The following PCDHA13 variants were observed in gnomAD, a reference collection of about 807,000 sequenced individuals.
The protein encoded by PCDHA13 is protocadherin alpha-13.
A neutral mutation model predicts 64.8 loss-of-function variants in PCDHA13; 54 were observed. The ratio of observed to expected loss-of-function variants is 0.83; its 90% CI spans 0.67 to 1.04. PCDHA13 has a LOEUF of 1.04. PCDHA13 is among the 50% of genes least tolerant of loss of function. The pLI is 0.00. For missense variants in PCDHA13, 1,248 were observed against 1,254.3 expected (o/e 0.99, Z 0.08); for synonymous variants, 587 against 564.4 (o/e 1.04, Z -0.57).
chr5:140,899,981 G>T (rs929559514), intron 1 of PCDHA13, among the ~76,000 whole-genome samples: 3 of 151,734 alleles, frequency 2.0e-5, no homozygotes, highest in African/African-American at 7.3e-5. Flanking sequence ...CTACTTTTTT[G>T]ATTTTTTTTG....
At chr5:140,909,995 A>G (rs1315885700) in intron 1 of PCDHA13, among the ~76,000 whole-genome samples, 2 of 152,178 alleles carry the variant, frequency 1.3e-5, no homozygotes, top group African/African-American at 4.8e-5. Flanking sequence ...AACAGCATAA[A>G]TTGTTGTCAG....
intron 1 of PCDHA13, among the ~76,000 whole-genome samples, chr5:140,950,648 T>C (rs2153690319): frequency 6.6e-6 from 1 of 152,222 alleles, no homozygotes; most frequent in East Asian, 1.9e-4. Flanking sequence ...CTGTTTATGG[T>C]TGGCTGAGTT....
intron 1 of PCDHA13, among the ~76,000 whole-genome samples, chr5:140,910,668 C>G (rs2075124281): frequency 6.6e-6 from 1 of 152,172 alleles, no homozygotes; most frequent in Admixed American, 6.5e-5. Flanking sequence ...TACATTAAAC[C>G]AAGGGAGATC....
intron 1 of PCDHA13, among the ~76,000 whole-genome samples, chr5:140,907,888 C>G (rs1441879791): frequency 6.6e-6 from 1 of 152,234 alleles, no homozygotes; most frequent in Non-Finnish European, 1.5e-5. Flanking sequence ...ACATGGGATA[C>G]AAATATCTTC....
intron 1 of PCDHA13, among the ~76,000 whole-genome samples, chr5:140,939,338 G>A (rs2092369072): frequency 6.6e-6 from 1 of 152,116 alleles, no homozygotes; most frequent in South Asian, 2.1e-4. Context: ...TTAGGGGTTA[G>A]CATTTCAACT....
chr5:140,936,077 G>A (rs2090754379), intron 1 of PCDHA13, among the ~76,000 whole-genome samples: 1 of 151,980 alleles, frequency 6.6e-6, no homozygotes, highest in South Asian at 2.1e-4. Flanking sequence ...ACTTTTAGTA[G>A]AGACAGGGTT....
At chr5:140,897,803 C>G (rs1285512803) in intron 1 of PCDHA13, among the ~76,000 whole-genome samples, 1 of 152,130 alleles carries the variant, frequency 6.6e-6, no homozygotes, top group Non-Finnish European at 1.5e-5. Context: ...AGAGTCCCAC[C>G]AACAGTGTAA....
chr5:140,966,190 C>G (rs1251814900), intron 1 of PCDHA13: 1 of 203,228 alleles, frequency 4.9e-6, no homozygotes, highest in Non-Finnish European at 9.7e-6. Context: ...AGCCAGACTT[C>G]TAGGGGCTTG....
At chr5:140,979,912 G>C (rs1554241237) in intron 2 of PCDHA13, among the ~76,000 whole-genome samples, 2 of 152,248 alleles carry the variant, frequency 1.3e-5, no homozygotes, top group South Asian at 2.1e-4. Flanking sequence ...AGTTCGTAAA[G>C]AGAAAGCCTA....
chr5:140,897,997 G>C (rs1174176296), intron 1 of PCDHA13, among the ~76,000 whole-genome samples: 1 of 152,168 alleles, frequency 6.6e-6, no homozygotes, highest in Non-Finnish European at 1.5e-5. Context: ...CTTTTGAGAA[G>C]TGTCTGTTCA....
chr5:140,916,561 G>A (rs1038683507), intron 1 of PCDHA13, among the ~76,000 whole-genome samples: 9 of 152,180 alleles, frequency 5.9e-5, no homozygotes, highest in African/African-American at 2.2e-4. Context: ...TTTGTCCAGG[G>A]TGTGTCTAGA....
intron 1 of PCDHA13, among the ~76,000 whole-genome samples, chr5:140,939,327 C>T (rs2092367339): frequency 6.6e-6 from 1 of 152,146 alleles, no homozygotes; most frequent in South Asian, 2.1e-4. Flanking sequence ...ATATCATAAT[C>T]TTAGGGGTTA....
At chr5:140,967,249 G>A (rs782040791) in intron 1 of PCDHA13, 1 of 1,613,592 alleles carries the variant, frequency 6.2e-7, no homozygotes, top group Non-Finnish European at 8.5e-7. Context: ...GCGAATCGGT[G>A]GCGCCTGGAG....
Position 140,978,951 on chromosome 5 carries a change from A to G in PCDHA13, c.2397A>G (p.Pro799=). Residue 799 remains proline, a splice_region_variant and synonymous_variant, in exon 2 of 4, where the codon CCA becomes CCG. Coordinates refer to ENST00000289272, the MANE Select transcript of PCDHA13 (RefSeq NM_018904.3). ...REEDSECLKE[P]RQPNPDWRYS... ...AAACTCTCTTTGTGATTTTGCAGCC[A>G]CGACAGCCCAACCCTGACTGGCGTT... is the stretch of plus-strand genomic sequence containing the variant. 1.2e-6 allele frequency: 2 copies of G among 1,614,182 alleles called. No homozygotes were observed. The highest frequency in any genetic ancestry group is 1.7e-6 in the Non-Finnish European group (2 of 1,180,032).
intron 1 of PCDHA13, chr5:140,968,823 A>T (rs569036779): frequency 1.2e-6 from 2 of 1,614,192 alleles, no homozygotes; most frequent in Non-Finnish European, 8.5e-7. Context: ...AGGGTTTCCA[A>T]AATCCTCCCT....
intron 3 of PCDHA13, among the ~76,000 whole-genome samples, chr5:141,000,351 G>GTC: frequency 1.5e-5 from 1 of 66,852 alleles, no homozygotes; most frequent in Non-Finnish European, 2.9e-5. Flanking sequence ...CTCTCTCTCT[G>GTC]TCTCTCTCTG....
intron 1 of PCDHA13, among the ~76,000 whole-genome samples, chr5:140,952,541 T>G (rs1554220493): frequency 6.6e-6 from 1 of 152,140 alleles, no homozygotes; most frequent in African/African-American, 2.4e-5. Flanking sequence ...CTGGACTTCT[T>G]TGTCCATTTC....
intron 3 of PCDHA13, among the ~76,000 whole-genome samples, chr5:141,005,306 C>T (rs1563689503): frequency 6.6e-6 from 1 of 152,158 alleles, no homozygotes; most frequent in Non-Finnish European, 1.5e-5. Context: ...CTTTGTGAAT[C>T]TTACAGTGGT....
chr5:141,006,379 G>GT (rs2098271047), intron 3 of PCDHA13, among the ~76,000 whole-genome samples: 1 of 151,748 alleles, frequency 6.6e-6, no homozygotes, highest in South Asian at 2.1e-4. Flanking sequence ...GCCCGGCTAA[G>GT]TTTTTTCTAT....
Sources: gnomAD v4.1 joint callset for allele counts (sites outside exome capture counted in the v4.1 genomes callset) on GRCh38, gnomAD v4.1.1 for gene constraint, MANE v1.5 for transcripts, NCBI Gene and HGNC (gene_info 2026-07-23, HGNC 2026-07-21) for gene names.